The following FUT9 variants were observed in gnomAD, a reference collection of about 807,000 sequenced individuals.
FUT9 encodes the protein fucosyltransferase 9.
In FUT9, 15 loss-of-function variants were observed where a neutral mutation model predicts 29.7. The ratio of observed to expected loss-of-function variants is 0.51; its 90% CI spans 0.34 to 0.78. FUT9 has a LOEUF of 0.78. Ranked by LOEUF, FUT9 falls within the 30% of genes least tolerant of loss-of-function variation. The probability of loss-of-function intolerance (pLI) is 0.01; values close to 1 mark genes in which losing one functional copy is unlikely to be tolerated. For missense variants in FUT9, 319 were observed against 425.4 expected (o/e 0.75, Z 2.20); for synonymous variants, 169 against 153.7 (o/e 1.10, Z -0.74).
intron 1 of FUT9, among the ~76,000 whole-genome samples, chr6:96,085,024 G>A (rs1178711642): frequency 6.6e-6 from 1 of 152,048 alleles, no homozygotes; most frequent in African/African-American, 2.4e-5. Context: ...GTATTTCCCA[G>A]TTTGACTATT....
chr6:96,163,041 G>T (rs1772942279), intron 2 of FUT9, among the ~76,000 whole-genome samples: 1 of 152,118 alleles, frequency 6.6e-6, no homozygotes, highest in Non-Finnish European at 1.5e-5. Flanking sequence ...AGCCTGGAGA[G>T]GATTTTGGCT....
At chr6:96,151,178 G>A (rs1348654781) in intron 2 of FUT9, among the ~76,000 whole-genome samples, 2 of 152,118 alleles carry the variant, frequency 1.3e-5, no homozygotes, top group African/African-American at 4.8e-5. Context: ...AACTGAAAGG[G>A]AAAGTGAGGA....
chr6:96,153,555 G>A (rs1386295627), intron 2 of FUT9, among the ~76,000 whole-genome samples: 4 of 152,098 alleles, frequency 2.6e-5, no homozygotes, highest in Non-Finnish European at 5.9e-5. Context: ...ACTGATTTTG[G>A]TTAGAAAATA....
At chr6:96,190,332 C>G (rs527434638) in intron 2 of FUT9, among the ~76,000 whole-genome samples, 1 of 152,002 alleles carries the variant, frequency 6.6e-6, no homozygotes, top group African/African-American at 2.4e-5. Flanking sequence ...CTCTGGCTGC[C>G]CTTAACATTT....
chr6:96,177,728 G>C (rs563375439), intron 2 of FUT9, among the ~76,000 whole-genome samples: 5 of 152,086 alleles, frequency 3.3e-5, no homozygotes, highest in Admixed American at 6.6e-5. Flanking sequence ...AAGTCAGGCA[G>C]TTTCTAAACA....
At chr6:96,085,401 T>A (rs189920529) in intron 1 of FUT9, among the ~76,000 whole-genome samples, 55 of 152,302 alleles carry the variant, frequency 3.6e-4, no homozygotes, top group Non-Finnish European at 6.3e-4. Context: ...ACTAGCTAGC[T>A]CTTTGTGGTC....
intron 1 of FUT9, among the ~76,000 whole-genome samples, chr6:96,049,513 T>C (rs1221945086): frequency 6.6e-6 from 1 of 152,222 alleles, no homozygotes; most frequent in African/African-American, 2.4e-5. Flanking sequence ...TATGAGGCCA[T>C]CCTGTTTCAA....
At position 96,203,790 on chromosome 6, in the gene FUT9, G is replaced by T. The variant is rs752800996; in HGVS notation, c.635G>T (p.Ser212Ile). 6.8e-6 allele frequency: 11 copies of T among 1,613,814 alleles called. No individual in the cohort carries two copies. The highest frequency in any genetic ancestry group is 9.3e-6 in the Non-Finnish European group (11 of 1,179,844). Residue 212 changes from serine to isoleucine, a missense_variant, in exon 3 of 3, where the codon AGC becomes ATC. Transcript: ENST00000302103. ...AAGTATTACAATGAGCTAAGCAAAA[G>T]CATTGAAATCCATACCTACGGGCAA... ...RVKYYNELSK[S>I]IEIHTYGQAF...
chr6:96,155,374 C>A (rs145848160), intron 2 of FUT9, among the ~76,000 whole-genome samples: 220 of 152,110 alleles, frequency 1.4e-3, no homozygotes, highest in African/African-American at 5.0e-3. Context: ...GAGATAAGGT[C>A]TTTAAAGAAG....
chr6:96,080,547 G>C (rs2127950589), intron 1 of FUT9, among the ~76,000 whole-genome samples: 1 of 151,920 alleles, frequency 6.6e-6, no homozygotes, highest in East Asian at 1.9e-4. Flanking sequence ...ACACTATATT[G>C]GGAAAATTAT....
At chr6:96,060,076 T>C (rs1486211101) in intron 1 of FUT9, among the ~76,000 whole-genome samples, 1 of 152,234 alleles carries the variant, frequency 6.6e-6, no homozygotes, top group Non-Finnish European at 1.5e-5. Flanking sequence ...TTAATAGATC[T>C]TATTTTGTGA....
intron 1 of FUT9, among the ~76,000 whole-genome samples, chr6:96,037,970 T>G (rs1037018069): frequency 6.7e-6 from 1 of 149,398 alleles, no homozygotes; most frequent in Admixed American, 6.7e-5. Flanking sequence ...TGAGCTAACT[T>G]GAGCCTACTA....
chr6:96,173,789 A>C (rs552297290), intron 2 of FUT9, among the ~76,000 whole-genome samples: 8 of 152,058 alleles, frequency 5.3e-5, no homozygotes, highest in African/African-American at 1.9e-4. Context: ...TTTTTCTCTA[A>C]TACTGTCTAT....
Position 96,203,757 on chromosome 6 carries a change from C to A in FUT9, c.602C>A (p.Ala201Asp), listed in dbSNP as rs1205665182. 6.2e-7 allele frequency: 1 copy of A among 1,613,960 alleles called. No homozygotes were observed. Among genetic ancestry groups the A allele is most frequent in the Non-Finnish European group, 8.5e-7 (1 of 1,179,972 alleles). The change falls in exon 3 of 3, where the codon GCC (alanine) becomes GAC (aspartate). Residue 201 changes from alanine to aspartate, a missense_variant. Ala to Asp is a moderately radical substitution (Grantham distance 126). Coordinates refer to ENST00000302103, the MANE Select transcript of FUT9 (RefSeq NM_006581.4). Reference protein sequence around the residue: ...WVVSNWNPEHARVKYYNELSK... With the variant: ...WVVSNWNPEHDRVKYYNELSK... Reference sequence around the variant, plus strand: ...GTGAGTAACTGGAACCCTGAGCATGCCAGAGTCAAGTATTACAATGAGCTA... The same window carrying A: ...GTGAGTAACTGGAACCCTGAGCATGACAGAGTCAAGTATTACAATGAGCTA...
intron 1 of FUT9, among the ~76,000 whole-genome samples, chr6:96,088,533 TG>T (rs1582221154): frequency 1.8e-4 from 1 of 5,638 alleles, no homozygotes; most frequent in Non-Finnish European, 0.01. Flanking sequence ...GTTTGTTTTG[TG>T]TGTGTGTGTG....
At chr6:96,101,187 G>GCA (rs1243792311) in intron 1 of FUT9, among the ~76,000 whole-genome samples, 1 of 152,094 alleles carries the variant, frequency 6.6e-6, no homozygotes, top group Non-Finnish European at 1.5e-5. Flanking sequence ...GTTTGTGTGG[G>GCA]TGTCTTGTTT....
At chr6:96,179,189 A>T (rs986042018) in intron 2 of FUT9, among the ~76,000 whole-genome samples, 2 of 152,154 alleles carry the variant, frequency 1.3e-5, no homozygotes, top group African/African-American at 4.8e-5. Context: ...GAAAAAAACT[A>T]TCAGGTTAGA....
At chr6:96,030,126 C>T (rs1455109598) in intron 1 of FUT9, among the ~76,000 whole-genome samples, 1 of 151,592 alleles carries the variant, frequency 6.6e-6, no homozygotes, top group African/African-American at 2.4e-5. Flanking sequence ...TGAACAACAT[C>T]CTCAAACAGT....
intron 1 of FUT9, among the ~76,000 whole-genome samples, chr6:96,070,255 T>G (rs1218544222): frequency 6.6e-6 from 1 of 152,158 alleles, no homozygotes; most frequent in South Asian, 2.1e-4. Flanking sequence ...TGAAGCTATT[T>G]GAACAACATT....
Sources: allele counts gnomAD v4.1 joint callset (sites outside exome capture counted in the v4.1 genomes callset), GRCh38; gene constraint gnomAD v4.1.1; transcripts MANE v1.5; gene names NCBI Gene and HGNC (gene_info 2026-07-23, HGNC 2026-07-21).